The following AJAP1 variants were observed in gnomAD, a reference collection of about 807,000 sequenced individuals.
The protein encoded by AJAP1 is adherens junction-associated protein 1.
Under a neutral mutation model 35.0 loss-of-function variants are expected in AJAP1, and 5 were observed. The observed-to-expected ratio is 0.14, with a 90% confidence interval of 0.07 to 0.30. AJAP1 has a LOEUF of 0.30. Ranked by LOEUF, AJAP1 falls within the 10% of genes least tolerant of loss-of-function variation. AJAP1 has a pLI of 1.00. For missense variants in AJAP1, 586 were observed against 571.0 expected (o/e 1.03, Z -0.27); for synonymous variants, 284 against 249.3 (o/e 1.14, Z -1.31).
At chr1:4,676,894 C>T (rs868068242) in intron 1 of AJAP1, among the ~76,000 whole-genome samples, 16 of 152,334 alleles carry the variant, frequency 1.1e-4, no homozygotes, top group Middle Eastern at 6.8e-3. Context: ...CCGTGGCTCA[C>T]GCCTGTAATC....
Position 4,702,226 on chromosome 1 carries a change from G to T in AJAP1, c.30-9674G>T, listed in dbSNP as rs545686284. ...TGTGTCCCTGCTCCTACAGCTGCAG[G>T]GTTGTTGGGACCTCGTTCCTGAGCA... On this transcript the variant is annotated intron_variant, in intron 1 of 5. Transcript: ENST00000378191. Among the ~76,000 whole-genome samples the T allele has an allele frequency of 2.0e-5, 3 of 152,268 alleles. No individual in the cohort carries two copies. In the South Asian group the frequency reaches 6.2e-4, roughly 32 times the overall value.
In AJAP1 at chr1:4,782,801, A is replaced by G. The variant is rs1642091097; in HGVS notation, c.*316A>G. 5.0e-6 allele frequency: 2 copies of G among 398,586 alleles called. No homozygotes were observed. The highest frequency in any genetic ancestry group is 8.8e-6 in the Non-Finnish European group (2 of 226,112). 24.7% of individuals were successfully genotyped at this position (398,586 alleles called of 1,614,324 possible). ...AAAGAAAGGAACCAGAGGCAGAGAGACGAGGATACCCAGCGAAAGGGACGG... is the reference window on the plus strand; with the variant it reads ...AAAGAAAGGAACCAGAGGCAGAGAGGCGAGGATACCCAGCGAAAGGGACGG... On this transcript the variant is annotated 3_prime_UTR_variant, in exon 6 of 6. Transcript: ENST00000378191. This position sits in a 1 kb window ranked among gnomAD's most constrained non-coding sequence, Gnocchi z 5.3.
intron 1 of AJAP1, among the ~76,000 whole-genome samples, chr1:4,670,892 AC>A (rs748393410): frequency 1.2e-4 from 19 of 152,238 alleles, no homozygotes; most frequent in Admixed American, 2.6e-4. Context: ...GCATGTAAAA[AC>A]AAAGTCTTCC....
At chr1:4,719,863 C>T (rs910195588) in intron 2 of AJAP1, among the ~76,000 whole-genome samples, 6 of 152,114 alleles carry the variant, frequency 3.9e-5, no homozygotes, top group Non-Finnish European at 5.9e-5. Context: ...AGTTGGCTGT[C>T]CTTGGGGACC....
At chr1:4,747,433 C>T (rs150193270) in intron 2 of AJAP1, among the ~76,000 whole-genome samples, 171 of 152,310 alleles carry the variant, frequency 1.1e-3, no homozygotes, top group Middle Eastern at 6.8e-3. Context: ...GGGCCTCCTC[C>T]TCCTCCTTGG....
At position 4,791,510 on chromosome 1, in the gene AJAP1, C is replaced by T. The variant is rs1308664611; in HGVS notation, c.*9025C>T. ...TGGTTAGCACCAGGGACAAGTCTGG[C>T]TCTAATGTATGTTTTATGAAGTCTG... On this transcript the variant is annotated 3_prime_UTR_variant, in exon 6 of 6. Transcript: ENST00000378191. The T allele has an allele frequency of 2.0e-5, 3 of 152,206 alleles. No homozygotes were observed. Among genetic ancestry groups the T allele is most frequent in the Admixed American group, 6.5e-5 (1 of 15,282 alleles). 9.4% of individuals were successfully genotyped at this position (152,206 alleles called of 1,614,324 possible).
chr1:4,723,637 G>A lies in AJAP1; in HGVS notation c.829+10938G>A, dbSNP rs112524140. 0.012 allele frequency among the ~76,000 whole-genome samples: 1,824 copies of A among 152,266 alleles called. 33 individuals carry two copies. Among genetic ancestry groups the A allele is most frequent in the African/African-American group, 0.04 (1,659 of 41,550 alleles). ...GGTGAGGGGAGAGTCCTGCGAGGGC[G>A]ATGGAAGGGAGACGGGAGGTGAGCC... On this transcript the variant is annotated intron_variant, in intron 2 of 5. Transcript: ENST00000378191. This position sits in a 1 kb window ranked among gnomAD's most constrained non-coding sequence, Gnocchi z 4.3.
chr1:4,704,347 C>G (rs1400414421), intron 1 of AJAP1, among the ~76,000 whole-genome samples: 2 of 145,030 alleles, frequency 1.4e-5, no homozygotes, highest in Non-Finnish European at 3.0e-5. Context: ...GTGATGTTCC[C>G]CTTCCTGTGT....
At chr1:4,742,104 G>T (rs571677618) in intron 2 of AJAP1, among the ~76,000 whole-genome samples, 4 of 152,320 alleles carry the variant, frequency 2.6e-5, no homozygotes, top group African/African-American at 4.8e-5. Context: ...TAAAGAGTGG[G>T]TGAACGTTGG....
chr1:4,757,552 A>G (rs1156278668), intron 2 of AJAP1, among the ~76,000 whole-genome samples: 2 of 152,160 alleles, frequency 1.3e-5, no homozygotes, highest in Non-Finnish European at 2.9e-5. Flanking sequence ...GGGGGTGAGG[A>G]TTTGGGATCA....
At chr1:4,673,207 T>C (rs1639284773) in intron 1 of AJAP1, among the ~76,000 whole-genome samples, 1 of 152,170 alleles carries the variant, frequency 6.6e-6, no homozygotes, top group Non-Finnish European at 1.5e-5. Context: ...AACTGTGAGC[T>C]CATAGGTGGG....
chr1:4,662,856 C>T (rs1639033097), intron 1 of AJAP1, among the ~76,000 whole-genome samples: 1 of 152,250 alleles, frequency 6.6e-6, no homozygotes, highest in African/African-American at 2.4e-5. Context: ...CAGGCATTTC[C>T]ATTCTGCCTT....
rs181560834 is a variant in AJAP1, at chr1:4,791,393, G to A, written c.*8908G>A. 2 of 152,332 alleles carry A rather than the reference G, an allele frequency of 1.3e-5. No homozygotes were observed. The highest frequency in any genetic ancestry group is 4.8e-5 in the African/African-American group (2 of 41,568). The allele number at this position is 152,332 out of a possible 1,614,324, so 9.4% of individuals were successfully genotyped here. ...AGAAAATACCAATAACCAAACAGAA[G>A]GGAAATGTCTGGAACCTTCCAGTTG... On this transcript the variant is annotated 3_prime_UTR_variant, in exon 6 of 6. Coordinates refer to ENST00000378191, the MANE Select transcript of AJAP1 (RefSeq NM_018836.4).
intron 1 of AJAP1, among the ~76,000 whole-genome samples, chr1:4,688,790 AAAAG>A (rs1557609675): frequency 3.3e-5 from 5 of 151,554 alleles, no homozygotes; most frequent in African/African-American, 7.3e-5. Context: ...AAAAAAAAAA[AAAAG>A]AAAGGATCGT....
chr1:4,728,883 C>T (rs114094744), intron 2 of AJAP1, among the ~76,000 whole-genome samples: 17 of 152,154 alleles, frequency 1.1e-4, no homozygotes, highest in African/African-American at 3.9e-4. Context: ...TTGAAACCAG[C>T]GTCCTGTCAC....
At chr1:4,755,539 C>A (rs1226314469) in intron 2 of AJAP1, among the ~76,000 whole-genome samples, 1 of 152,028 alleles carries the variant, frequency 6.6e-6, no homozygotes, top group African/African-American at 2.4e-5. Context: ...GCTGCCCCCA[C>A]CCCCACCCCC....
chr1:4,759,248 G>A (rs539756249), intron 2 of AJAP1, among the ~76,000 whole-genome samples: 1 of 152,320 alleles, frequency 6.6e-6, no homozygotes, highest in South Asian at 2.1e-4. Context: ...TCCTGCACCA[G>A]GGTCGGTGTT....
At chr1:4,670,678 C>A (rs111261596) in intron 1 of AJAP1, among the ~76,000 whole-genome samples, 38 of 152,236 alleles carry the variant, frequency 2.5e-4, no homozygotes, top group African/African-American at 8.7e-4. Flanking sequence ...CGAGCCATGA[C>A]GAGTGCAGGT....
At chr1:4,780,978 C>T (rs58396442) in intron 5 of AJAP1, among the ~76,000 whole-genome samples, 23,293 of 152,026 alleles carry the variant, frequency 0.15, 1,985 homozygotes, top group East Asian at 0.37. Context: ...AGGAAGGTGA[C>T]GCCCAGGGCC....
Sources: gnomAD v4.1 joint callset for allele counts (sites outside exome capture counted in the v4.1 genomes callset) on GRCh38, gnomAD v4.1.1 for gene constraint, Gnocchi (gnomAD v3.1) non-coding constraint, MANE v1.5 for transcripts, NCBI Gene and HGNC (gene_info 2026-07-23, HGNC 2026-07-21) for gene names.